The following PIGB variants were observed in gnomAD, a reference collection of about 807,000 sequenced individuals.
PIGB encodes the protein phosphatidylinositol glycan anchor biosynthesis class B.
In PIGB, 58 loss-of-function variants were observed where a neutral mutation model predicts 68.4. The observed-to-expected ratio is 0.85, with a 90% CI of 0.69 to 1.06. The LOEUF (loss-of-function observed/expected upper bound fraction) is 1.06, where lower values mean the gene tolerates loss of function less well. Ranked by LOEUF, PIGB falls within the 50% of genes least tolerant of loss-of-function variation. The pLI is 0.00. For synonymous variants in PIGB, 219 were observed against 220.5 expected (o/e 0.99, Z 0.06); for missense variants, 634 against 655.8 (o/e 0.97, Z 0.36).
rs1161652763 is a variant in PIGB, at chr15:55,329,779, C to A, written c.578C>A (p.Thr193Lys). 1.2e-6 allele frequency: 2 copies of A among 1,610,242 alleles called. No individual in the cohort carries two copies. Among genetic ancestry groups the A allele is most frequent in the East Asian group, 2.2e-5 (1 of 44,816 alleles). ...TGGTATTGCTGTACCAGAACCCTTACAAACACCATGGAAACTGTTCTCACT... is the reference window on the plus strand; with the variant it reads ...TGGTATTGCTGTACCAGAACCCTTAAAAACACCATGGAAACTGTTCTCACT... The part of the protein sequence containing the change: ...FTWYCCTRTL[T>K]NTMETVLTII... The change falls in exon 5 of 12, where the codon ACA becomes AAA. Residue 193 changes from threonine to lysine, a missense_variant. Physicochemically the swap from Thr to Lys is moderately conservative, Grantham distance 78. Transcript: ENST00000164305.
chr15:55,321,251 A>G, intron 2 of PIGB, 22 bp from the exon 3 acceptor site: 2 of 1,553,052 alleles, frequency 1.3e-6, no homozygotes, highest in South Asian at 1.2e-5. Flanking sequence ...ATTATTGGAC[A>G]TTTACTCCTT....
chr15:55,340,491 T>A, intron 7 of PIGB, 121 bp from the exon 8 acceptor site: 4 of 574,966 alleles, frequency 7.0e-6, no homozygotes, highest in South Asian at 2.6e-5. Flanking sequence ...TAATGTAAAC[T>A]ATTGCCTGGT....
chr15:55,323,089 C>T (rs1189494372), intron 3 of PIGB, among the ~76,000 whole-genome samples: 1 of 152,182 alleles, frequency 6.6e-6, no homozygotes, highest in African/African-American at 2.4e-5. Flanking sequence ...AAAAGGAACT[C>T]ATTGTCGTAT....
At chr15:55,354,751 C>CT (rs779172270) in intron 10 of PIGB, 47 bp from the exon 11 acceptor site, 14 of 1,460,142 alleles carry the variant, frequency 9.6e-6, no homozygotes, top group Admixed American at 2.2e-5. Context: ...CTAATGAAAA[C>CT]TTTCATGTTT....
chr15:55,353,199 A>G (rs1328389499), intron 10 of PIGB, among the ~76,000 whole-genome samples: 3 of 152,198 alleles, frequency 2.0e-5, no homozygotes, highest in Admixed American at 6.5e-5. Flanking sequence ...AAAGCACACA[A>G]GAGAGGAAAG....
intron 3 of PIGB, among the ~76,000 whole-genome samples, chr15:55,326,822 G>C (rs754170905): frequency 6.6e-6 from 1 of 152,148 alleles, no homozygotes; most frequent in Non-Finnish European, 1.5e-5. Flanking sequence ...GGGCGACAGA[G>C]CGATACGTCT....
At chr15:55,342,531 A>G (rs948047697) in intron 9 of PIGB, among the ~76,000 whole-genome samples, 1 of 152,118 alleles carries the variant, frequency 6.6e-6, no homozygotes, top group Non-Finnish European at 1.5e-5. Context: ...AGCTGGGATT[A>G]CAGGCATCCG....
Position 55,354,896 on chromosome 15 carries a change from A to T in PIGB, c.1436A>T (p.Asn479Ile). The T allele has an allele frequency of 6.2e-7, 1 of 1,613,592 alleles. No individual in the cohort carries two copies. Among genetic ancestry groups the T allele is most frequent in the Non-Finnish European group, 8.5e-7 (1 of 1,179,650 alleles). Residue 479 changes from asparagine (N) to isoleucine (I), a missense_variant, in exon 11 of 12, where the codon AAT becomes ATT. Physicochemically the swap from Asn to Ile is moderately radical, Grantham distance 149. Transcript: ENST00000164305. ...YLDEADVFYL[N>I]PLNWLHREFH... Reference sequence around the variant, plus strand: ...GATGAAGCAGATGTATTTTACCTAAATCCCTTAAACTGGTTACATAGAGAG... The same window carrying T: ...GATGAAGCAGATGTATTTTACCTAATTCCCTTAAACTGGTTACATAGAGAG...
At chr15:55,319,503 C>G (rs1442045164) in intron 1 of PIGB, 90 bp downstream of exon 1, 2 of 909,658 alleles carry the variant, frequency 2.2e-6, no homozygotes, top group Non-Finnish European at 3.2e-6. Context: ...CCGTTGAGCT[C>G]TGTGTTGCCA....
chr15:55,350,930 A>C lies in PIGB; in HGVS notation c.1337+18A>C. On this transcript the variant is annotated intron_variant, in intron 10 of 11. Transcript: ENST00000164305. Reference sequence around the variant, plus strand: ...TATTACAGGTAATAAAAGATGTTCCACTATATGCTGTTAAGAAACTGAAAC... The same window carrying C: ...TATTACAGGTAATAAAAGATGTTCCCCTATATGCTGTTAAGAAACTGAAAC... 7.7e-7 allele frequency: 1 copy of C among 1,301,826 alleles called. No individual in the cohort carries two copies. The highest frequency in any genetic ancestry group is 1.1e-6 in the Non-Finnish European group (1 of 913,792). 80.6% of individuals were successfully genotyped at this position (1,301,826 alleles called of 1,614,324 possible). A position where few individuals can be genotyped will look rare whatever the true frequency, so the allele number is the denominator to read the frequency against.
Position 55,333,847 on chromosome 15 carries a change from C to A in PIGB, c.654-20C>A. The A allele has an allele frequency of 6.6e-7, 1 of 1,517,368 alleles. No homozygotes were observed. The highest frequency in any genetic ancestry group is 8.9e-7 in the Non-Finnish European group (1 of 1,127,042). The allele number at this position is 1,517,368 out of a possible 1,614,324, so 94.0% of individuals were successfully genotyped here. ...CAAGTTAATTTCCCACTTGTCTTAT[C>A]ACACATTTTCCTCTTATAGTGTCAA... On this transcript the variant is annotated intron_variant, in intron 5 of 11. Coordinates refer to ENST00000164305, the MANE Select transcript of PIGB (RefSeq NM_004855.5).
chr15:55,348,996 AGT>A, intron 9 of PIGB, among the ~76,000 whole-genome samples: 1 of 151,324 alleles, frequency 6.6e-6, no homozygotes, highest in South Asian at 2.1e-4. Flanking sequence ...CCCAGGCTGG[AGT>A]GCAGTGGCGT....
In PIGB at chr15:55,341,744, G is replaced by C; in HGVS notation, c.1065G>C (p.Leu355Phe). The C allele has an allele frequency of 7.0e-7, 1 of 1,418,806 alleles. No individual in the cohort carries two copies. The highest frequency in any genetic ancestry group is 9.4e-7 in the Non-Finnish European group (1 of 1,059,020). 87.9% of individuals were successfully genotyped at this position (1,418,806 alleles called of 1,614,324 possible). ...VLWTLLVYSM[L>F]SHKEFRFIYP... is the part of the protein sequence containing the mutation. ...ATATTTGTTTTTATTACAGCATGTT[G>C]AGCCACAAAGAATTCAGGTTTATTT... Residue 355 changes from leucine (L) to phenylalanine (F), a missense_variant, in exon 9 of 12, where the codon TTG (leucine) becomes TTC (phenylalanine). Coordinates refer to ENST00000164305, the MANE Select transcript of PIGB (RefSeq NM_004855.5).
chr15:55,321,538 A>G (rs2055162970), intron 3 of PIGB, 148 bp downstream of exon 3: 1 of 587,878 alleles, frequency 1.7e-6, no homozygotes, highest in African/African-American at 1.9e-5. Context: ...GTGCTGAAAT[A>G]CAAGACTGAG....
chr15:55,319,996 C>CCTTA (rs1308599591), intron 1 of PIGB: 1 of 272,246 alleles, frequency 3.7e-6, no homozygotes, highest in Non-Finnish European at 6.9e-6. Context: ...TAGCCTAAGG[C>CCTTA]CTTAGTTAAC....
At chr15:55,333,102 A>G (rs1000215987) in intron 5 of PIGB, among the ~76,000 whole-genome samples, 2 of 151,964 alleles carry the variant, frequency 1.3e-5, no homozygotes, top group African/African-American at 4.8e-5. Flanking sequence ...TTTTTTTTCA[A>G]TCAAGAAAGT....
Position 55,319,233 on chromosome 15 carries a change from G to C in PIGB, c.-18G>C. On this transcript the variant is annotated 5_prime_UTR_variant, in exon 1 of 12. Transcript: ENST00000164305. ...GCTACTGCAGCTTTCTTCCGCCTTA[G>C]GAAGGTGGCGGCCAGGGATGAGGAG... 1 of 1,598,254 alleles carries C rather than the reference G, an allele frequency of 6.3e-7. No homozygotes were observed. Among genetic ancestry groups the C allele is most frequent in the Non-Finnish European group, 8.5e-7 (1 of 1,172,846 alleles).
chr15:55,321,297 G>A lies in PIGB; in HGVS notation c.324G>A (p.Trp108Ter). The A allele has an allele frequency of 6.2e-7, 1 of 1,604,628 alleles. No individual in the cohort carries two copies. Among genetic ancestry groups the A allele is most frequent in the East Asian group, 2.2e-5 (1 of 44,644 alleles). The stretch of plus-strand genomic sequence containing the variant: ...ATTATGGTTATTTGACTTGGGAATG[G>A]ACAGAGAGACTGAGGAGTTACACTT... ...VFNYGYLTWE[W>*]TERLRSYTYP... The change falls in exon 3 of 12, where the codon TGG (tryptophan) becomes TGA (stop). Residue 108 changes from tryptophan (W) to a stop codon, truncating the protein, a stop_gained. Coordinates refer to ENST00000164305, the MANE Select transcript of PIGB (RefSeq NM_004855.5). LOFTEE classifies it high-confidence loss of function.
At chr15:55,329,443 A>C (rs1165065463) in intron 4 of PIGB, among the ~76,000 whole-genome samples, 1 of 152,220 alleles carries the variant, frequency 6.6e-6, no homozygotes, top group Non-Finnish European at 1.5e-5. Flanking sequence ...TATGTGTTTC[A>C]TTAATGGAAA....
Sources: allele counts gnomAD v4.1 joint callset (sites outside exome capture counted in the v4.1 genomes callset), GRCh38; gene constraint gnomAD v4.1.1; transcripts MANE v1.5; gene names NCBI Gene and HGNC (gene_info 2026-07-23, HGNC 2026-07-21).